HIVEP1: variants seen among roughly 807,000 people sequenced by gnomAD.
The protein encoded by HIVEP1 is HIVEP zinc finger 1, also known as zinc finger protein 40.
In HIVEP1, 36 loss-of-function variants were observed where a neutral mutation model predicts 180.0. The ratio of observed to expected loss-of-function variants is 0.20; its 90% CI spans 0.15 to 0.26. The LOEUF is 0.26. HIVEP1 is among the 10% of genes least tolerant of loss of function. The probability of loss-of-function intolerance (pLI) is 1.00; values close to 1 mark genes in which losing one functional copy is unlikely to be tolerated. For synonymous variants in HIVEP1, 1,239 were observed against 1,239.0 expected (o/e 1.00, Z 0.00); for missense variants, 3,143 against 3,268.7 (o/e 0.96, Z 0.94).
At chr6:12,172,358 T>G in the HIVEP1 span, among the ~76,000 whole-genome samples, 5 of 152,126 alleles carry the variant, frequency 3.3e-5, no homozygotes, top group African/African-American at 1.2e-4. Flanking sequence ...GACTGCATGC[T>G]CAGGTAAGGA....
chr6:12,108,174 T>C (rs1359780860), intron 3 of HIVEP1, among the ~76,000 whole-genome samples: 2 of 152,130 alleles, frequency 1.3e-5, no homozygotes, highest in African/African-American at 4.8e-5. Flanking sequence ...AATTGGTGCA[T>C]TCACAAACCC....
rs377737180 is a variant in HIVEP1, at chr6:12,161,775, G to C, written c.6824G>C (p.Gly2275Ala). Residue 2275 changes from glycine (G) to alanine (A), a missense_variant, in exon 8 of 9, where the codon GGG becomes GCG. Gly to Ala is a moderately conservative substitution (Grantham distance 60). Coordinates refer to ENST00000379388, the MANE Select transcript of HIVEP1 (RefSeq NM_002114.4). ...TACAATAGGAAGACACTCTCTCCGG[G>C]GAAGGCCAGGCAGCGTGCTGCGAGA... ...SDYNRKTLSP[G>A]KARQRAARDE... The C allele has an allele frequency of 4.7e-5, 76 of 1,614,172 alleles. No homozygotes were observed. In the East Asian group the frequency reaches 1.2e-3, roughly 26 times the overall value.
downstream of HIVEP1, among the ~76,000 whole-genome samples, chr6:12,168,468 G>A (rs1760819698): frequency 6.7e-6 from 1 of 148,252 alleles, no homozygotes; most frequent in Admixed American, 7.1e-5. Context: ...AAGGAGAAAA[G>A]GTTTAAAGCA....
chr6:12,154,004 C>G (rs555623003), intron 7 of HIVEP1, among the ~76,000 whole-genome samples: 1 of 152,304 alleles, frequency 6.6e-6, no homozygotes, highest in East Asian at 1.9e-4. Flanking sequence ...AAAAATTAGC[C>G]AGGCATGGTG....
intron 2 of HIVEP1, among the ~76,000 whole-genome samples, chr6:12,044,698 T>C (rs978504921): frequency 2.0e-5 from 3 of 151,344 alleles, no homozygotes; most frequent in Non-Finnish European, 4.4e-5. Flanking sequence ...AGCTGAGGGC[T>C]TTCTGTCCCC....
intron 3 of HIVEP1, among the ~76,000 whole-genome samples, chr6:12,098,753 G>A (rs183245395): frequency 9.9e-5 from 15 of 152,214 alleles, no homozygotes; most frequent in African/African-American, 3.4e-4. Context: ...TAAAGAACTG[G>A]GAGGAAGTCT....
At chr6:12,074,656 A>G (rs1009231654) in intron 2 of HIVEP1, among the ~76,000 whole-genome samples, 1 of 119,916 alleles carries the variant, frequency 8.3e-6, no homozygotes, top group Non-Finnish European at 2.1e-5. Context: ...GCGCGCGTGC[A>G]TGTCCTTGTC....
At chr6:12,129,703 T>A in intron 4 of HIVEP1, 56 bp from the exon 5 acceptor site, 2 of 1,365,200 alleles carry the variant, frequency 1.5e-6, no homozygotes, top group Non-Finnish European at 2.1e-6. Flanking sequence ...AGTGAAAGAT[T>A]AGCATGCTTG....
Position 12,161,780 on chromosome 6 carries a change from G to C in HIVEP1, c.6829G>C (p.Ala2277Pro). The C allele has an allele frequency of 1.2e-6, 2 of 1,614,178 alleles. No individual in the cohort carries two copies. The highest frequency in any genetic ancestry group is 1.3e-5 in the African/African-American group (1 of 75,058). The stretch of plus-strand genomic sequence containing the variant: ...TAGGAAGACACTCTCTCCGGGGAAG[G>C]CCAGGCAGCGTGCTGCGAGAGATGA... ...YNRKTLSPGKARQRAARDEND... is the reference protein window; with the variant it reads ...YNRKTLSPGKPRQRAARDEND... Residue 2277 changes from alanine (A) to proline (P), a missense_variant, in exon 8 of 9, where the codon GCC becomes CCC. Coordinates refer to ENST00000379388, the MANE Select transcript of HIVEP1 (RefSeq NM_002114.4).
At chr6:12,112,694 C>T (rs1047785184) in intron 3 of HIVEP1, among the ~76,000 whole-genome samples, 6 of 152,132 alleles carry the variant, frequency 3.9e-5, no homozygotes, top group Non-Finnish European at 8.8e-5. Context: ...TCACCGCCCC[C>T]CTAGCAGTGG....
chr6:12,096,658 CAT>C (rs1773799165), intron 3 of HIVEP1, among the ~76,000 whole-genome samples: 4 of 151,906 alleles, frequency 2.6e-5, no homozygotes, highest in African/African-American at 9.6e-5. Context: ...CCACACATAA[CAT>C]TTTTTAAAAC....
chr6:12,150,786 A>T (rs901516965), intron 7 of HIVEP1, among the ~76,000 whole-genome samples: 7 of 151,926 alleles, frequency 4.6e-5, no homozygotes, highest in East Asian at 1.9e-4. Flanking sequence ...TTATCTTTAA[A>T]ATATATATAT....
At position 12,125,404 on chromosome 6, in the gene HIVEP1, C is replaced by G. The variant is rs984761406; in HGVS notation, c.5609C>G (p.Thr1870Arg). 6.2e-7 allele frequency: 1 copy of G among 1,613,906 alleles called. No individual in the cohort carries two copies. Among genetic ancestry groups the G allele is most frequent in the Admixed American group, 1.7e-5 (1 of 60,024 alleles). ...NIKSSTSLTL[T>R]VRSSPAPSEN... The stretch of plus-strand genomic sequence containing the variant: ...AAGTCATCCACATCATTAACTCTTA[C>G]AGTTCGAAGTTCACCTGCTCCTTCA... Residue 1870 changes from threonine (T) to arginine (R), a missense_variant, in exon 4 of 9, where the codon ACA becomes AGA. Physicochemically the swap from Thr to Arg is moderately conservative, Grantham distance 71 (BLOSUM62 -1). Around this residue, in one of 12 missense-constraint regions of HIVEP1, gnomAD observed 1,357 missense variants for 1,260.5 expected, o/e 1.08. Transcript: ENST00000379388.
chr6:12,090,735 C>CTTTTTTTTTTTTTTTTT (rs35266647), intron 3 of HIVEP1, among the ~76,000 whole-genome samples: 2 of 82,472 alleles, frequency 2.4e-5, no homozygotes, highest in African/African-American at 4.7e-5. Flanking sequence ...TATAGCCAGC[C>CTTTTTTTTTTTTTTTTT]TTTTTTTTTT....
chr6:12,116,221 T>C (rs970568942), intron 3 of HIVEP1, among the ~76,000 whole-genome samples: 2 of 152,016 alleles, frequency 1.3e-5, no homozygotes, highest in African/African-American at 4.8e-5. Context: ...TTAATCAAGA[T>C]GAGGGTAAGT....
intron 2 of HIVEP1, among the ~76,000 whole-genome samples, chr6:12,016,665 C>T (rs1767771965): frequency 6.6e-6 from 1 of 152,182 alleles, no homozygotes; most frequent in South Asian, 2.1e-4. Flanking sequence ...GTGGATGCCT[C>T]AGCCTAAGTT....
chr6:12,112,123 A>G (rs1774934366), intron 3 of HIVEP1, among the ~76,000 whole-genome samples: 2 of 152,190 alleles, frequency 1.3e-5, no homozygotes. Context: ...TGTTTTTCTG[A>G]AAAAAATCTT....
At chr6:12,149,100 T>G (rs1759538442) in intron 7 of HIVEP1, among the ~76,000 whole-genome samples, 1 of 152,190 alleles carries the variant, frequency 6.6e-6, no homozygotes, top group Non-Finnish European at 1.5e-5. Context: ...AACAGGGTGG[T>G]AGTGACATCA....
At chr6:12,113,689 A>G (rs1371645247) in intron 3 of HIVEP1, among the ~76,000 whole-genome samples, 1 of 152,142 alleles carries the variant, frequency 6.6e-6, no homozygotes, top group African/African-American at 2.4e-5. Context: ...CTCCCACTCT[A>G]CTAATAGATG....
Sources: allele counts gnomAD v4.1 joint callset (sites outside exome capture counted in the v4.1 genomes callset), GRCh38; gene constraint gnomAD v4.1.1; regional missense constraint gnomAD v4.1.1; transcripts MANE v1.5; gene names NCBI Gene and HGNC (gene_info 2026-07-23, HGNC 2026-07-21).